Variants in ATG2B observed in about 807,000 individuals in gnomAD.
ATG2B encodes the protein autophagy-related protein 2 homolog B.
A neutral mutation model predicts 241.3 loss-of-function variants in ATG2B; 121 were observed. The observed-to-expected ratio is 0.50, with a 90% CI of 0.43 to 0.58. ATG2B has a LOEUF of 0.58. Ranked by LOEUF, ATG2B falls within the 20% of genes least tolerant of loss-of-function variation. The pLI is 0.00. For synonymous variants in ATG2B, 858 were observed against 876.6 expected (o/e 0.98, Z 0.37); for missense variants, 2,306 against 2,491.6 (o/e 0.93, Z 1.59).
At position 96,285,535 on chromosome 14, in the gene ATG2B, T is replaced by C; in HGVS notation, c.*220A>G. 1 of 564,854 alleles carries C rather than the reference T, an allele frequency of 1.8e-6. No homozygotes were observed. The highest frequency in any genetic ancestry group is 3.0e-5 in the East Asian group (1 of 33,394). The allele number at this position is 564,854 out of a possible 1,614,324, so 35.0% of individuals were successfully genotyped here. ...CTTGGCAGCAAATGCTTTAAGGACCTTTGACACCAGCCACCAAACATTTCT... is the reference window on the plus strand; with the variant it reads ...CTTGGCAGCAAATGCTTTAAGGACCCTTGACACCAGCCACCAAACATTTCT... On this transcript the variant is annotated 3_prime_UTR_variant, in exon 42 of 42. Coordinates refer to ENST00000359933, the MANE Select transcript of ATG2B (RefSeq NM_018036.7). This position sits in a 1 kb window ranked among gnomAD's most constrained non-coding sequence, Gnocchi z 4.2.
chr14:96,327,929 T>C (rs1197272157), intron 14 of ATG2B, among the ~76,000 whole-genome samples: 1 of 152,214 alleles, frequency 6.6e-6, no homozygotes, highest in Non-Finnish European at 1.5e-5. Flanking sequence ...GCTATTCTCA[T>C]GCCTCAGCCT....
At chr14:96,334,061 C>T (rs888870522) in intron 7 of ATG2B, among the ~76,000 whole-genome samples, 188 bp from the exon 8 acceptor site, 6 of 152,114 alleles carry the variant, frequency 3.9e-5, no homozygotes, top group Non-Finnish European at 7.3e-5. Flanking sequence ...AAAATCTTAT[C>T]GCTGATAGAT....
intron 1 of ATG2B, among the ~76,000 whole-genome samples, chr14:96,349,028 A>C (rs987307711): frequency 6.6e-6 from 1 of 152,228 alleles, no homozygotes; most frequent in East Asian, 1.9e-4. Flanking sequence ...TGTGATGATT[A>C]TATACAGAGG....
Position 96,303,709 on chromosome 14 carries a change from G to C in ATG2B, c.4843-454C>G, listed in dbSNP as rs1342512577. On this transcript the variant is annotated intron_variant, in intron 32 of 41. Coordinates refer to ENST00000359933, the MANE Select transcript of ATG2B (RefSeq NM_018036.7). The stretch of plus-strand genomic sequence containing the variant: ...AGTTCAGTACTATTTGCAGTTTCAG[G>C]CATCCACTGAGGCTATTACCATGTA... Among the ~76,000 whole-genome samples the C allele has an allele frequency of 3.3e-5, 5 of 152,080 alleles. No individual in the cohort carries two copies. The East Asian group carries it at 9.6e-4, about 29-fold the overall frequency.
intron 19 of ATG2B, 134 bp downstream of exon 19, chr14:96,317,564 T>A (rs1001814214): frequency 9.1e-6 from 7 of 770,618 alleles, no homozygotes; most frequent in Non-Finnish European, 1.4e-5. Flanking sequence ...AATATTCTTA[T>A]AAATTACTAA....
In ATG2B at chr14:96,308,266, ATATATATATATATATATT is replaced by A. The variant is rs1566719880; in HGVS notation, c.4303+1169_4303+1186del. On this transcript the variant is annotated intron_variant, in intron 29 of 41. Coordinates refer to ENST00000359933, the MANE Select transcript of ATG2B (RefSeq NM_018036.7). ...TATATATATATACACACATATATAT[ATATATATATATATATATT>A]TTTTTTTTTTTTTTTTTTGAGACAG... Among the ~76,000 whole-genome samples, 70 of 15,534 alleles carry A rather than the reference ATATATATATATATATATT, an allele frequency of 4.5e-3. 1 individual carries two copies. Among genetic ancestry groups the A allele is most frequent in the African/African-American group, 0.014 (54 of 3,778 alleles). The allele number at this position is 15,534 out of a possible 152,430, so 10.2% of individuals were successfully genotyped here.
chr14:96,339,419 T>C (rs1887953586), intron 6 of ATG2B, among the ~76,000 whole-genome samples: 1 of 151,788 alleles, frequency 6.6e-6, no homozygotes, highest in Admixed American at 6.6e-5. Flanking sequence ...GGTGCGTGTA[T>C]ATATATATGG....
chr14:96,340,071 T>C, intron 6 of ATG2B, among the ~76,000 whole-genome samples: 1 of 69,602 alleles, frequency 1.4e-5, no homozygotes, highest in South Asian at 4.7e-4. Flanking sequence ...ATGCTATATG[T>C]GATATGATAT....
rs1244680789 is a variant in ATG2B at position 96,282,020 on chromosome 14, T to C, written c.*3735A>G. 6.6e-6 allele frequency: 1 copy of C among 152,212 alleles called. No homozygotes were observed. The highest frequency in any genetic ancestry group is 1.5e-5 in the Non-Finnish European group (1 of 68,034). The allele number at this position is 152,212 out of a possible 1,614,324, so 9.4% of individuals were successfully genotyped here. ...GGCTGACTTGCAACTGTGCATATAA[T>C]GTCTATTCAAGGGGGCAGTGTGCCT... On this transcript the variant is annotated 3_prime_UTR_variant, in exon 42 of 42. Coordinates refer to ENST00000359933, the MANE Select transcript of ATG2B (RefSeq NM_018036.7).
intron 14 of ATG2B, among the ~76,000 whole-genome samples, chr14:96,327,337 T>C (rs1409317004): frequency 6.6e-6 from 1 of 152,148 alleles, no homozygotes; most frequent in Non-Finnish European, 1.5e-5. Context: ...AATATCTTTT[T>C]CCTTTTCTTT....
chr14:96,314,189 T>C (rs1887240136), intron 23 of ATG2B, among the ~76,000 whole-genome samples: 1 of 152,212 alleles, frequency 6.6e-6, no homozygotes, highest in South Asian at 2.1e-4. Flanking sequence ...AATGCTTTCA[T>C]GAGAAAAGAA....
chr14:96,343,294 T>A lies in ATG2B; in HGVS notation c.582-13A>T, dbSNP rs1350749522. ...ACAGTACACAGTTCTGAAATTTTTT[T>A]AAAAAGCATTTACAAAAAGCTCCTA... On this transcript the variant is annotated splice_polypyrimidine_tract_variant and intron_variant, in intron 4 of 41. Transcript: ENST00000359933. 4.5e-6 allele frequency: 7 copies of A among 1,548,262 alleles called. No individual in the cohort carries two copies. Among genetic ancestry groups the A allele is most frequent in the African/African-American group, 1.4e-5 (1 of 72,548 alleles).
At chr14:96,296,231 C>G (rs536222912) in intron 34 of ATG2B, among the ~76,000 whole-genome samples, 3 of 152,150 alleles carry the variant, frequency 2.0e-5, no homozygotes, top group African/African-American at 7.2e-5. Context: ...TGCCTTAATA[C>G]ATTTCATCAT....
At chr14:96,332,157 T>A in intron 10 of ATG2B, 148 bp downstream of exon 10, 1 of 607,462 alleles carries the variant, frequency 1.6e-6, no homozygotes. Flanking sequence ...CACTTCACAG[T>A]GAATTGTTTA....
intron 1 of ATG2B, among the ~76,000 whole-genome samples, chr14:96,353,602 G>T (rs1888392121): frequency 6.6e-6 from 1 of 150,728 alleles, no homozygotes. Flanking sequence ...TTCCAGCCAG[G>T]GCGAAACAGT....
At chr14:96,314,427 C>T (rs1017180910) in intron 23 of ATG2B, among the ~76,000 whole-genome samples, 5 of 152,150 alleles carry the variant, frequency 3.3e-5, no homozygotes, top group African/African-American at 1.2e-4. Flanking sequence ...TGATAAAATG[C>T]TTTAAAGCAA....
At chr14:96,305,160 C>T (rs980825524) in intron 31 of ATG2B, among the ~76,000 whole-genome samples, 6 of 152,282 alleles carry the variant, frequency 3.9e-5, no homozygotes, top group Non-Finnish European at 8.8e-5. Context: ...ACACTGCACT[C>T]GTCTCACAGG....
At chr14:96,302,993 C>T (rs1468955689) in intron 33 of ATG2B, 68 bp downstream of exon 33, 1 of 1,231,808 alleles carries the variant, frequency 8.1e-7, no homozygotes, top group South Asian at 2.2e-5. Flanking sequence ...TTTAACTCTC[C>T]TGAAGTTAGA....
intron 33 of ATG2B, 32 bp from the exon 34 acceptor site, chr14:96,302,140 C>T (rs1476434902): frequency 7.2e-7 from 1 of 1,383,594 alleles, no homozygotes; most frequent in Admixed American, 1.8e-5. Flanking sequence ...AACATTTTTC[C>T]CCAATAATAT....
Sources: gnomAD v4.1 joint callset for allele counts (sites outside exome capture counted in the v4.1 genomes callset) on GRCh38, gnomAD v4.1.1 for gene constraint, Gnocchi (gnomAD v3.1) non-coding constraint, MANE v1.5 for transcripts, NCBI Gene and HGNC (gene_info 2026-07-23, HGNC 2026-07-21) for gene names.